Variants in GRID2 observed in about 807,000 individuals in gnomAD.
GRID2 encodes the protein glutamate ionotropic receptor delta type subunit 2, also known as glutamate receptor ionotropic, delta-2.
In GRID2, 33 loss-of-function variants were observed where a neutral mutation model predicts 114.8. The ratio of observed to expected loss-of-function variants is 0.29; its 90% confidence interval spans 0.22 to 0.38. The LOEUF is 0.38. GRID2 is among the 10% of genes least tolerant of loss of function. GRID2 has a pLI of 1.00. For synonymous variants in GRID2, 505 were observed against 449.9 expected, an observed-to-expected ratio of 1.12 and a Z score of -1.55; for missense variants, 1,184 against 1,257.7, an observed-to-expected ratio of 0.94 and a Z score of 0.89.
rs534509349 is a variant in GRID2, at chr4:92,862,694, C to G, written c.245-222301C>G. Among the ~76,000 whole-genome samples the G allele has an allele frequency of 1.7e-4, 26 of 152,170 alleles. No individual in the cohort carries two copies. In the East Asian group the frequency reaches 5.0e-3, roughly 29 times the overall value. ...GGTACTTTGCAGCTTGATAAAATGT[C>G]TCTTAGAAAATACCTTAATCAGCAT... is the stretch of plus-strand genomic sequence containing the variant. On this transcript the variant is annotated intron_variant, in intron 2 of 15. Coordinates refer to ENST00000282020, the MANE Select transcript of GRID2 (RefSeq NM_001510.4).
At chr4:93,150,672 T>C (rs1427577929) in intron 4 of GRID2, among the ~76,000 whole-genome samples, 1 of 151,852 alleles carries the variant, frequency 6.6e-6, no homozygotes, top group East Asian at 1.9e-4. Flanking sequence ...TCTTAGTGTC[T>C]GTGTCCTCTC....
rs201194005 is a variant in GRID2, at chr4:93,085,021, T to C, written c.271T>C (p.Leu91=). The part of the protein sequence containing the change: ...EACELMNQGI[L]ALVSSIGCTS... ...CTGTGAACTTATGAATCAAGGCATC[T>C]TGGCCCTGGTCAGCTCCATTGGCTG... The change falls in exon 3 of 16, where the codon TTG becomes CTG. Residue 91 remains leucine, a synonymous_variant. Transcript: ENST00000282020. 6.8e-6 allele frequency: 11 copies of C among 1,614,120 alleles called. No homozygotes were observed. The East Asian group carries it at 2.2e-4, about 33-fold the overall frequency.
At chr4:93,224,047 T>C (rs1745194010) in intron 6 of GRID2, among the ~76,000 whole-genome samples, 1 of 152,174 alleles carries the variant, frequency 6.6e-6, no homozygotes. Context: ...TATAATTTTG[T>C]ATAGATCCTT....
chr4:93,077,449 T>C (rs1405834626), intron 2 of GRID2, among the ~76,000 whole-genome samples: 2 of 152,200 alleles, frequency 1.3e-5, no homozygotes, highest in African/African-American at 2.4e-5. Context: ...TGGACTATAT[T>C]AAATATTCTG....
At chr4:92,612,986 A>G (rs1729828912) in intron 2 of GRID2, among the ~76,000 whole-genome samples, 1 of 151,312 alleles carries the variant, frequency 6.6e-6, no homozygotes, top group Non-Finnish European at 1.5e-5. Flanking sequence ...GAAAGTAAAA[A>G]CCATTTCCTG....
In GRID2 at chr4:92,518,157, C is replaced by CT. The variant is rs538596534; in HGVS notation, c.89-71965dup. 5.6e-3 allele frequency among the ~76,000 whole-genome samples: 843 copies of CT among 150,982 alleles called. 4 individuals carry two copies. The highest frequency in any genetic ancestry group is 0.018 in the African/African-American group (747 of 41,220). On this transcript the variant is annotated intron_variant, in intron 1 of 15. Coordinates refer to ENST00000282020, the MANE Select transcript of GRID2 (RefSeq NM_001510.4). ...TTTTCTTCTCCTACTCTTCATCCCC[C>CT]TTTTTTTTTCTTTCTCTGTTATTTT...
intron 14 of GRID2, among the ~76,000 whole-genome samples, chr4:93,762,469 A>G (rs573426243): frequency 5.9e-5 from 9 of 152,306 alleles, no homozygotes; most frequent in East Asian, 1.9e-4. Context: ...CTGGCGTTAC[A>G]TAGCTATAAT....
intron 10 of GRID2, among the ~76,000 whole-genome samples, chr4:93,426,290 C>T (rs2149373578): frequency 6.6e-6 from 1 of 152,278 alleles, no homozygotes; most frequent in Admixed American, 6.5e-5. Context: ...CGTGCCCCTT[C>T]ATCTTCTATT....
At chr4:92,404,994 C>CA in intron 1 of GRID2, among the ~76,000 whole-genome samples, 1 of 152,158 alleles carries the variant, frequency 6.6e-6, no homozygotes, top group East Asian at 1.9e-4. Context: ...GCCTATGTAA[C>CA]AAAGCTGCAC....
chr4:92,883,971 C>G (rs951130111), intron 2 of GRID2, among the ~76,000 whole-genome samples: 20 of 152,150 alleles, frequency 1.3e-4, no homozygotes, highest in Admixed American at 1.0e-3. Context: ...CTCTTCTTTG[C>G]AAGTTTGAAG....
intron 2 of GRID2, among the ~76,000 whole-genome samples, chr4:92,792,305 A>C (rs1739628369): frequency 6.6e-6 from 1 of 151,828 alleles, no homozygotes; most frequent in Non-Finnish European, 1.5e-5. Context: ...CAGAGTTGTT[A>C]GGGAGGTACG....
chr4:92,863,664 A>T (rs976202103), intron 2 of GRID2, among the ~76,000 whole-genome samples: 1 of 152,104 alleles, frequency 6.6e-6, no homozygotes, highest in Admixed American at 6.6e-5. Flanking sequence ...TGTACTATGA[A>T]AAATATGTCT....
chr4:92,657,297 C>A lies in GRID2; in HGVS notation c.244+67011C>A, dbSNP rs571032096. ...TGTGACTTCATAGTGTCTGAACTGT[C>A]ACTTTACTTTCTTTATTATTTGTCA... On this transcript the variant is annotated intron_variant, in intron 2 of 15. Transcript: ENST00000282020. Among the ~76,000 whole-genome samples, 28 of 151,714 alleles carry A rather than the reference C, an allele frequency of 1.8e-4. 1 individual carries two copies. The South Asian group carries it at 3.9e-3, about 21-fold the overall frequency.
At chr4:93,574,394 A>G (rs1438937693) in intron 13 of GRID2, among the ~76,000 whole-genome samples, 1 of 152,176 alleles carries the variant, frequency 6.6e-6, no homozygotes, top group Non-Finnish European at 1.5e-5. Flanking sequence ...TGAATATTGT[A>G]TTAGTCTGTT....
At chr4:92,504,973 G>T (rs1031359915) in intron 1 of GRID2, among the ~76,000 whole-genome samples, 1 of 151,570 alleles carries the variant, frequency 6.6e-6, no homozygotes, top group Admixed American at 6.6e-5. Context: ...AATAATAATG[G>T]GTCCAAATAT....
rs374523883 is a variant in GRID2, at chr4:93,608,754, C to T, written c.2194-17515C>T. Among the ~76,000 whole-genome samples, 307 of 130,262 alleles carry T rather than the reference C, an allele frequency of 2.4e-3. 5 individuals are homozygous for T. The highest frequency in any genetic ancestry group is 6.6e-3 in the African/African-American group (212 of 31,904). 85.5% of individuals were successfully genotyped at this position (130,262 alleles called of 152,430 possible). A position where few individuals can be genotyped will look rare whatever the true frequency, so the allele number is the denominator to read the frequency against. On this transcript the variant is annotated intron_variant, in intron 13 of 15. Coordinates refer to ENST00000282020, the MANE Select transcript of GRID2 (RefSeq NM_001510.4). Reference sequence around the variant, plus strand: ...GGTTCCAAGTCTTTGCTATTGTGAACAGTGCCGCAATAAACATACGGGTGC... The same window carrying T: ...GGTTCCAAGTCTTTGCTATTGTGAATAGTGCCGCAATAAACATACGGGTGC...
At chr4:93,226,984 A>G (rs529652915) in intron 7 of GRID2, among the ~76,000 whole-genome samples, 1 of 152,272 alleles carries the variant, frequency 6.6e-6, no homozygotes, top group South Asian at 2.1e-4. Context: ...AGAATGTTAC[A>G]CTGGAATAAG....
At chr4:93,042,520 G>A (rs1725661846) in intron 2 of GRID2, among the ~76,000 whole-genome samples, 1 of 147,512 alleles carries the variant, frequency 6.8e-6, no homozygotes, top group Admixed American at 6.8e-5. Context: ...TTGTAATGGA[G>A]ACCAGTTATA....
chr4:92,395,596 C>T (rs778671417), intron 1 of GRID2, among the ~76,000 whole-genome samples: 1 of 151,716 alleles, frequency 6.6e-6, no homozygotes, highest in African/African-American at 2.4e-5. Flanking sequence ...ATAACGAGCT[C>T]TCTTGCCCCG....
Sources: allele counts gnomAD v4.1 joint callset (sites outside exome capture counted in the v4.1 genomes callset), GRCh38; gene constraint gnomAD v4.1.1; transcripts MANE v1.5; gene names NCBI Gene and HGNC (gene_info 2026-07-23, HGNC 2026-07-21).